The following PARVA variants were observed in gnomAD, a reference collection of about 807,000 sequenced individuals.
The protein encoded by PARVA is alpha-parvin.
PARVA carries 25 observed loss-of-function variants against 52.6 expected under a neutral mutation model. The ratio of observed to expected loss-of-function variants is 0.48; its 90% CI spans 0.35 to 0.66. PARVA has a LOEUF of 0.66. Ranked by LOEUF, PARVA falls within the 30% of genes least tolerant of loss-of-function variation. The pLI is 0.01. For missense variants in PARVA, 373 were observed against 450.9 expected (o/e 0.83, Z 1.56); for synonymous variants, 185 against 179.1 (o/e 1.03, Z -0.26).
At chr11:12,413,033 T>C (rs1205660597) in intron 1 of PARVA, among the ~76,000 whole-genome samples, 1 of 152,144 alleles carries the variant, frequency 6.6e-6, no homozygotes, top group Admixed American at 6.5e-5. Flanking sequence ...TTATTAAGAG[T>C]AATAATAACA....
intron 1 of PARVA, among the ~76,000 whole-genome samples, chr11:12,388,703 T>C (rs1293443201): frequency 5.3e-5 from 8 of 152,072 alleles, no homozygotes; most frequent in Non-Finnish European, 1.0e-4. Flanking sequence ...TTTTTTTCTT[T>C]TTTAGTATTG....
chr11:12,463,723 G>T, intron 1 of PARVA, among the ~76,000 whole-genome samples: 1 of 152,124 alleles, frequency 6.6e-6, no homozygotes, highest in East Asian at 1.9e-4. Context: ...CATTCTTTCA[G>T]AACAGAGGAT....
intron 1 of PARVA, among the ~76,000 whole-genome samples, chr11:12,435,752 T>G (rs1041586070): frequency 7.9e-5 from 12 of 152,180 alleles, no homozygotes; most frequent in African/African-American, 2.7e-4. Context: ...TGTCTGATTT[T>G]GGGGCAAGTG....
intron 4 of PARVA, among the ~76,000 whole-genome samples, chr11:12,493,626 A>C (rs1016681765): frequency 6.6e-6 from 1 of 150,700 alleles, no homozygotes; most frequent in South Asian, 2.1e-4. Context: ...AAAAAAAAGG[A>C]AAAAAATTAA....
chr11:12,451,812 T>C (rs187008731), intron 1 of PARVA, among the ~76,000 whole-genome samples: 24 of 152,320 alleles, frequency 1.6e-4, no homozygotes, highest in East Asian at 1.2e-3. Flanking sequence ...CCAAGAATGT[T>C]AGCTAAATTT....
chr11:12,428,404 C>T (rs1265505998), intron 1 of PARVA, among the ~76,000 whole-genome samples: 1 of 152,200 alleles, frequency 6.6e-6, no homozygotes, highest in African/African-American at 2.4e-5. Context: ...CTCAATCATT[C>T]ATGCAGACAT....
intron 1 of PARVA, among the ~76,000 whole-genome samples, chr11:12,464,579 C>T (rs958508500): frequency 2.6e-5 from 4 of 152,308 alleles, no homozygotes; most frequent in African/African-American, 9.6e-5. Context: ...ATTCCCATCA[C>T]CCCTTTCATT....
intron 10 of PARVA, 73 bp from the exon 11 acceptor site, chr11:12,517,537 G>T (rs1044159253): frequency 1.0e-5 from 12 of 1,155,220 alleles, no homozygotes; most frequent in Non-Finnish European, 5.1e-6. Flanking sequence ...TAGCACAGAA[G>T]TTGATGGGCC....
chr11:12,415,933 C>T (rs1287615566), intron 1 of PARVA, among the ~76,000 whole-genome samples: 1 of 152,196 alleles, frequency 6.6e-6, no homozygotes, highest in African/African-American at 2.4e-5. Context: ...AAAGGCGTAG[C>T]GCCTTCTCTA....
intron 1 of PARVA, among the ~76,000 whole-genome samples, chr11:12,461,656 A>ACGAGCAATTGGAGGACAGC (rs1230945998): frequency 1.3e-5 from 2 of 152,204 alleles, no homozygotes; most frequent in African/African-American, 4.8e-5. Flanking sequence ...TTCCATGCCT[A>ACGAGCAATTGGAGGACAGC]CGAGCAATTG....
At chr11:12,414,760 A>G (rs974846872) in intron 1 of PARVA, among the ~76,000 whole-genome samples, 1 of 152,220 alleles carries the variant, frequency 6.6e-6, no homozygotes, top group Non-Finnish European at 1.5e-5. Flanking sequence ...AATTCAAAAC[A>G]TGGAATTAGA....
At chr11:12,422,349 T>A (rs751631475) in intron 1 of PARVA, among the ~76,000 whole-genome samples, 5 of 152,218 alleles carry the variant, frequency 3.3e-5, no homozygotes, top group African/African-American at 4.8e-5. Flanking sequence ...CTTCAAGATA[T>A]AGTCCCTAAA....
At chr11:12,412,521 G>A (rs770744332) in intron 1 of PARVA, among the ~76,000 whole-genome samples, 2 of 152,188 alleles carry the variant, frequency 1.3e-5, no homozygotes, top group Non-Finnish European at 2.9e-5. Context: ...AGGCTCAGTG[G>A]TGGCTTCAGC....
chr11:12,443,091 G>C (rs1229966005), intron 1 of PARVA, among the ~76,000 whole-genome samples: 3 of 150,120 alleles, frequency 2.0e-5, no homozygotes, highest in Non-Finnish European at 4.4e-5. Context: ...TTGATCTCCT[G>C]ATCTTGTGAT....
At chr11:12,395,897 A>G (rs776408761) in intron 1 of PARVA, among the ~76,000 whole-genome samples, 3 of 152,380 alleles carry the variant, frequency 2.0e-5, no homozygotes, top group Non-Finnish European at 2.9e-5. Flanking sequence ...AGACCATTGG[A>G]ATATGAGTGG....
intron 1 of PARVA, among the ~76,000 whole-genome samples, chr11:12,444,478 T>C (rs941285785): frequency 2.0e-5 from 3 of 152,066 alleles, no homozygotes; most frequent in Non-Finnish European, 4.4e-5. Context: ...AGGGTCTCAC[T>C]CTGTTGCCCA....
chr11:12,388,369 C>T (rs747722520), intron 1 of PARVA, among the ~76,000 whole-genome samples: 23 of 152,286 alleles, frequency 1.5e-4, no homozygotes, highest in African/African-American at 5.5e-4. Context: ...CTTAGTAAAC[C>T]GACACGTGAC....
At chr11:12,441,910 T>C (rs1940471831) in intron 1 of PARVA, among the ~76,000 whole-genome samples, 1 of 152,186 alleles carries the variant, frequency 6.6e-6, no homozygotes, top group South Asian at 2.1e-4. Context: ...TGTATAGTAA[T>C]AGTTGAGTGT....
At chr11:12,525,294 G>A (rs930296459) in intron 12 of PARVA, among the ~76,000 whole-genome samples, 1 of 152,204 alleles carries the variant, frequency 6.6e-6, no homozygotes, top group African/African-American at 2.4e-5. Context: ...GTCCATGACA[G>A]TGGTGCCCTG....
Sources: allele counts gnomAD v4.1 joint callset (sites outside exome capture counted in the v4.1 genomes callset), GRCh38; gene constraint gnomAD v4.1.1; transcripts MANE v1.5; gene names NCBI Gene and HGNC (gene_info 2026-07-23, HGNC 2026-07-21).